COL11A1: variants seen among roughly 807,000 people sequenced by gnomAD.
COL11A1 encodes the protein collagen type XI alpha 1 chain, also known as collagen alpha-1(XI) chain.
COL11A1 carries 74 observed loss-of-function variants against 265.2 expected under a neutral mutation model. The ratio of observed to expected loss-of-function variants is 0.28; its 90% CI spans 0.23 to 0.34. The LOEUF is 0.34. COL11A1 is among the 10% of genes least tolerant of loss of function. The pLI is 1.00. For missense variants in COL11A1, 2,165 were observed against 2,263.6 expected, an observed-to-expected ratio of 0.96 and a Z score of 0.88; for synonymous variants, 816 against 727.6, an observed-to-expected ratio of 1.12 and a Z score of -1.96.
In COL11A1 at chr1:102,927,897, A is replaced by T. The variant is rs1199289924; in HGVS notation, c.3601-4508T>A. Among the ~76,000 whole-genome samples the T allele has an allele frequency of 2.0e-5, 3 of 152,078 alleles. No homozygotes were observed. In the South Asian group the frequency reaches 6.2e-4, roughly 31 times the overall value. ...GCTGTTGGCAGTTGCTTTTGGCAGG[A>T]TCCCATTTCTCAAAATGCTTTCAAT... On this transcript the variant is annotated intron_variant, in intron 46 of 66. Transcript: ENST00000370096.
intron 4 of COL11A1, among the ~76,000 whole-genome samples, chr1:103,038,838 G>A (rs549736315): frequency 6.6e-6 from 1 of 152,084 alleles, no homozygotes; most frequent in Non-Finnish European, 1.5e-5. Flanking sequence ...TGGAATAGAT[G>A]GAACAGACAG....
intron 41 of COL11A1, among the ~76,000 whole-genome samples, chr1:102,958,486 T>A (rs977390238): frequency 1.3e-5 from 2 of 152,148 alleles, no homozygotes; most frequent in Non-Finnish European, 2.9e-5. Context: ...AAAATCAAAT[T>A]TTATGTGATG....
At chr1:102,943,407 T>C (rs2101351802) in intron 42 of COL11A1, among the ~76,000 whole-genome samples, 1 of 151,776 alleles carries the variant, frequency 6.6e-6, no homozygotes, top group Non-Finnish European at 1.5e-5. Flanking sequence ...GTTTATGTCT[T>C]GTTCTGTTTG....
intron 4 of COL11A1, among the ~76,000 whole-genome samples, chr1:103,032,718 A>G (rs1350382092): frequency 1.3e-5 from 2 of 152,014 alleles, no homozygotes; most frequent in African/African-American, 4.8e-5. Flanking sequence ...TATTTGTATC[A>G]TTCTTTCTTC....
At chr1:102,926,890 T>G (rs1656656710) in intron 46 of COL11A1, among the ~76,000 whole-genome samples, 1 of 152,178 alleles carries the variant, frequency 6.6e-6, no homozygotes, top group South Asian at 2.1e-4. Flanking sequence ...TATGACTGTT[T>G]ACGTATAATT....
At chr1:103,067,234 C>T (rs1244132538) in intron 4 of COL11A1, among the ~76,000 whole-genome samples, 1 of 151,904 alleles carries the variant, frequency 6.6e-6, no homozygotes, top group Non-Finnish European at 1.5e-5. Flanking sequence ...AGATAGACTA[C>T]ATGTTAGACC....
Position 102,889,474 on chromosome 1 carries a change from G to A in COL11A1, c.4445C>T (p.Pro1482Leu), listed in dbSNP as rs1246567657. 6.2e-7 allele frequency: 1 copy of A among 1,612,444 alleles called. No individual in the cohort carries two copies. Among genetic ancestry groups the A allele is most frequent in the African/African-American group, 1.3e-5 (1 of 74,634 alleles). The change falls in exon 59 of 67, where the codon CCA becomes CTA. Residue 1482 changes from proline to leucine, a missense_variant. Physicochemically the swap from Pro to Leu is moderately conservative, Grantham distance 98. Coordinates refer to ENST00000370096, the MANE Select transcript of COL11A1 (RefSeq NM_001854.4). ...DRGLPGTQGS[P>L]GAKGDGGIPG... ...ACTCACCCCATCCCCTTTTGCTCCT[G>A]GAGATCCTTGAGTTCCAGGGAGCCC...
chr1:102,957,222 T>G (rs550863172), intron 41 of COL11A1, among the ~76,000 whole-genome samples: 86 of 152,184 alleles, frequency 5.7e-4, no homozygotes, highest in Non-Finnish European at 1.1e-3. Context: ...CTAAATATAC[T>G]TATAAATGAA....
intron 4 of COL11A1, among the ~76,000 whole-genome samples, chr1:103,058,869 T>C (rs1167595808): frequency 1.3e-5 from 2 of 152,206 alleles, no homozygotes; most frequent in Admixed American, 1.3e-4. Flanking sequence ...TTCAAATCTT[T>C]TCATTTTTAT....
At chr1:103,042,082 A>G (rs1040202004) in intron 4 of COL11A1, among the ~76,000 whole-genome samples, 3 of 152,044 alleles carry the variant, frequency 2.0e-5, no homozygotes, top group Admixed American at 6.6e-5. Flanking sequence ...TTGTACAAGG[A>G]TTTTAACAGC....
chr1:102,993,658 C>T (rs1330624732), intron 28 of COL11A1, among the ~76,000 whole-genome samples: 2 of 152,046 alleles, frequency 1.3e-5, no homozygotes, highest in African/African-American at 4.8e-5. Context: ...CCTCCTTAGC[C>T]TCCCAAGTAG....
At chr1:102,892,992 A>G (rs1651956061) in intron 57 of COL11A1, among the ~76,000 whole-genome samples, 1 of 152,168 alleles carries the variant, frequency 6.6e-6, no homozygotes, top group Admixed American at 6.5e-5. Flanking sequence ...GTTAAATCTC[A>G]GACAAAAAGA....
At chr1:102,908,624 T>C (rs1654277080) in intron 54 of COL11A1, among the ~76,000 whole-genome samples, 1 of 152,126 alleles carries the variant, frequency 6.6e-6, no homozygotes, top group South Asian at 2.1e-4. Context: ...TTTTCAATAG[T>C]CTATCCACTT....
chr1:102,948,752 T>A (rs375181647), intron 41 of COL11A1, among the ~76,000 whole-genome samples: 1 of 151,752 alleles, frequency 6.6e-6, no homozygotes, highest in African/African-American at 2.4e-5. Context: ...ATGTATTTTT[T>A]AATTTAATAA....
chr1:103,051,479 C>A (rs921230507), intron 4 of COL11A1, among the ~76,000 whole-genome samples: 6 of 152,290 alleles, frequency 3.9e-5, no homozygotes, highest in South Asian at 2.1e-4. Context: ...TGGGAGTGAC[C>A]TGATTTTCCA....
intron 2 of COL11A1, among the ~76,000 whole-genome samples, chr1:103,080,117 C>T (rs1672289384): frequency 6.6e-6 from 1 of 151,728 alleles, no homozygotes; most frequent in Non-Finnish European, 1.5e-5. Context: ...TATGCAGCCA[C>T]TTAATGTAGC....
rs182635797 is a variant in COL11A1, at chr1:103,104,864, G to A, written c.106+3209C>T. Reference sequence around the variant, plus strand: ...ATTAAGGAACCAAATGGACAAATTCGATCTCTTTGCACTGTTGGACTAGCA... The same window carrying A: ...ATTAAGGAACCAAATGGACAAATTCAATCTCTTTGCACTGTTGGACTAGCA... On this transcript the variant is annotated intron_variant, in intron 1 of 66. Transcript: ENST00000370096. Among the ~76,000 whole-genome samples, 243 of 152,170 alleles carry A rather than the reference G, an allele frequency of 1.6e-3. 1 individual carries two copies. The highest frequency in any genetic ancestry group is 0.01 in the Middle Eastern group (3 of 294).
intron 46 of COL11A1, among the ~76,000 whole-genome samples, chr1:102,930,081 A>T (rs1258463455): frequency 1.3e-5 from 2 of 152,098 alleles, no homozygotes; most frequent in Non-Finnish European, 2.9e-5. Context: ...AATACCCTTT[A>T]TTTCCTTCTC....
intron 46 of COL11A1, among the ~76,000 whole-genome samples, chr1:102,925,651 T>C (rs1656513143): frequency 6.6e-6 from 1 of 152,094 alleles, no homozygotes; most frequent in South Asian, 2.1e-4. Context: ...ATTTCTCAGA[T>C]CTTATAGACC....
Sources: gnomAD v4.1 joint callset for allele counts (sites outside exome capture counted in the v4.1 genomes callset) on GRCh38, gnomAD v4.1.1 for gene constraint, MANE v1.5 for transcripts, NCBI Gene and HGNC (gene_info 2026-07-23, HGNC 2026-07-21) for gene names.